GLB1: variants seen among roughly 807,000 people sequenced by gnomAD.
The protein encoded by GLB1 is galactosidase beta 1, also known as beta-galactosidase.
A neutral mutation model predicts 74.0 loss-of-function variants in GLB1; 56 were observed. The observed-to-expected ratio is 0.76, with a 90% CI of 0.61 to 0.94. The LOEUF (loss-of-function observed/expected upper bound fraction) is 0.94, where lower values mean the gene tolerates loss of function less well. Among genes scored for constraint, GLB1 ranks in the 40% least tolerant of loss-of-function variants. GLB1 has a pLI of 0.00. For synonymous variants in GLB1, 323 were observed against 323.6 expected, an observed-to-expected ratio of 1.00 and a Z score of 0.02; for missense variants, 787 against 845.5, an observed-to-expected ratio of 0.93 and a Z score of 0.86.
chr3:33,034,506 C>T, intron 10 of GLB1: 1 of 733,474 alleles, frequency 1.4e-6, no homozygotes. Flanking sequence ...GCCTGGGCCC[C>T]CTCCATCAGC....
intron 15 of GLB1, among the ~76,000 whole-genome samples, chr3:33,013,608 G>A (rs1038395505): frequency 2.0e-5 from 3 of 152,164 alleles, no homozygotes; most frequent in African/African-American, 7.2e-5. Context: ...AGGAAGAGTG[G>A]AGAAGCAGAC....
intron 1 of GLB1, chr3:33,077,438 G>C: frequency 1.1e-6 from 1 of 873,360 alleles, no homozygotes; most frequent in South Asian, 1.3e-5. Flanking sequence ...GTTGGAAATG[G>C]AGGATGAAGA....
chr3:32,971,422 A>T, the GLB1 span, among the ~76,000 whole-genome samples: 1 of 152,210 alleles, frequency 6.6e-6, no homozygotes, highest in Non-Finnish European at 1.5e-5. Context: ...TCCATCAACC[A>T]AAAACTTATT....
chr3:33,087,308 G>A (rs531023431), intron 1 of GLB1, among the ~76,000 whole-genome samples: 4 of 152,140 alleles, frequency 2.6e-5, no homozygotes, highest in African/African-American at 7.2e-5. Context: ...GGTGGCTCCC[G>A]CCTGTAATCC....
intron 10 of GLB1, among the ~76,000 whole-genome samples, chr3:33,044,698 T>C (rs1316575356): frequency 6.6e-6 from 1 of 152,194 alleles, no homozygotes; most frequent in African/African-American, 2.4e-5. Context: ...ATTTAAAAAA[T>C]TTGTAATATT....
chr3:32,967,026 C>A, the GLB1 span, among the ~76,000 whole-genome samples: 1 of 152,156 alleles, frequency 6.6e-6, no homozygotes, highest in African/African-American at 2.4e-5. Context: ...TAATACAATA[C>A]TTAATGGTGC....
the GLB1 span, among the ~76,000 whole-genome samples, chr3:32,991,133 A>C: frequency 6.6e-6 from 1 of 152,190 alleles, no homozygotes; most frequent in Admixed American, 6.5e-5. Context: ...CCATCATCTC[A>C]TACCTCCATA....
chr3:33,037,127 CCT>C (rs1240244485), intron 10 of GLB1, among the ~76,000 whole-genome samples: 1 of 151,544 alleles, frequency 6.6e-6, no homozygotes, highest in Non-Finnish European at 1.5e-5. Flanking sequence ...GTCACTGCAA[CCT>C]CTGACTCCCA....
chr3:32,970,041 A>G, the GLB1 span, among the ~76,000 whole-genome samples: 1 of 152,242 alleles, frequency 6.6e-6, no homozygotes, highest in African/African-American at 2.4e-5. Flanking sequence ...CCACCTGGAC[A>G]GAGAAGGCAC....
chr3:33,029,287 C>T (rs556043228), intron 10 of GLB1, among the ~76,000 whole-genome samples: 12 of 152,210 alleles, frequency 7.9e-5, no homozygotes, highest in East Asian at 1.9e-4. Context: ...CATACTTAAC[C>T]GGACACATTC....
intron 1 of GLB1, among the ~76,000 whole-genome samples, chr3:33,074,285 G>A (rs567520051): frequency 2.0e-5 from 3 of 147,904 alleles, no homozygotes; most frequent in African/African-American, 7.5e-5. Context: ...ACTCCAGCCA[G>A]GTGACAGAGC....
the GLB1 span, among the ~76,000 whole-genome samples, chr3:32,974,646 G>A: frequency 6.6e-6 from 1 of 152,174 alleles, no homozygotes; most frequent in South Asian, 2.1e-4. Context: ...AGGACCAGTA[G>A]AGCCTATGGT....
chr3:33,062,571 T>C (rs949643354), intron 5 of GLB1, among the ~76,000 whole-genome samples: 5 of 152,250 alleles, frequency 3.3e-5, no homozygotes, highest in Middle Eastern at 3.4e-3. Context: ...GGGCGGATCA[T>C]GAGGTCAAGA....
chr3:32,984,484 A>G, the GLB1 span, among the ~76,000 whole-genome samples: 1 of 152,192 alleles, frequency 6.6e-6, no homozygotes, highest in East Asian at 1.9e-4. Flanking sequence ...TTGGATAATA[A>G]AATGCAAAAG....
chr3:33,092,841 G>T, intron 1 of GLB1: 2 of 1,599,646 alleles, frequency 1.3e-6, no homozygotes, highest in South Asian at 1.1e-5. Context: ...AGTTCAGGGA[G>T]ACCGCTGCAG....
At chr3:33,013,485 G>C (rs1289707832) in intron 15 of GLB1, among the ~76,000 whole-genome samples, 1 of 152,180 alleles carries the variant, frequency 6.6e-6, no homozygotes. Flanking sequence ...ATGAGTGATG[G>C]TAAGGTGATC....
chr3:33,066,973 T>A (rs1336811184), intron 4 of GLB1, among the ~76,000 whole-genome samples: 2 of 150,788 alleles, frequency 1.3e-5, no homozygotes, highest in South Asian at 2.1e-4. Context: ...AATGACACCA[T>A]CCCAGAAACT....
At chr3:33,054,731 A>G (rs572418878) in intron 6 of GLB1, among the ~76,000 whole-genome samples, 2 of 152,140 alleles carry the variant, frequency 1.3e-5, no homozygotes, top group Non-Finnish European at 2.9e-5. Flanking sequence ...TCCTCATGAA[A>G]TGTCCCATTA....
At position 33,058,292 on chromosome 3, in the gene GLB1, G is replaced by T. The variant is rs779456366; in HGVS notation, c.553-23C>A. The T allele has an allele frequency of 8.1e-6, 13 of 1,613,664 alleles. No individual in the cohort carries two copies. The Admixed American group carries it at 2.2e-4, about 27-fold the overall frequency. On this transcript the variant is annotated intron_variant, in intron 5 of 15. Coordinates refer to ENST00000307363, the MANE Select transcript of GLB1 (RefSeq NM_000404.4). ...AACCTGTGAGTGAAAAAAGAGCAGG[G>T]AAAAATGAGGAGATCCTAATGTAGC...
Sources: allele counts gnomAD v4.1 joint callset (sites outside exome capture counted in the v4.1 genomes callset), GRCh38; gene constraint gnomAD v4.1.1; transcripts MANE v1.5; gene names NCBI Gene and HGNC (gene_info 2026-07-23, HGNC 2026-07-21).